TJP2: variants seen among roughly 807,000 people sequenced by gnomAD.
TJP2 encodes the protein tight junction protein 2.
A neutral mutation model predicts 133.1 loss-of-function variants in TJP2; 91 were observed. The observed-to-expected ratio is 0.68, with a 90% CI of 0.58 to 0.81. The LOEUF is 0.81. Ranked by LOEUF, TJP2 falls within the 40% of genes least tolerant of loss-of-function variation. The pLI is 0.00. For missense variants in TJP2, 1,541 were observed against 1,565.6 expected (o/e 0.98, Z 0.26); for synonymous variants, 592 against 583.4 (o/e 1.01, Z -0.21).
chr9:69,169,369 T>TTTTG (rs564265872), upstream of TJP2, among the ~76,000 whole-genome samples: 1 of 120,080 alleles, frequency 8.3e-6, no homozygotes, highest in African/African-American at 3.2e-5. Flanking sequence ...TTTTTTTTTT[T>TTTTG]GGGGGGGGGA....
chr9:69,222,594 C>T (rs1435231547), intron 5 of TJP2, among the ~76,000 whole-genome samples: 1 of 152,202 alleles, frequency 6.6e-6, no homozygotes, highest in Non-Finnish European at 1.5e-5. Context: ...ATTTTATAGA[C>T]AAGGAAACTG....
In TJP2 at chr9:69,226,073, A is replaced by G. The variant is rs142596636; in HGVS notation, c.1108A>G (p.Ile370Val). The G allele has an allele frequency of 1.9e-5, 31 of 1,614,086 alleles. No homozygotes were observed. Among genetic ancestry groups the G allele is most frequent in the Non-Finnish European group, 2.5e-5 (29 of 1,180,036 alleles). ...NMSLTDARKL[I>V]EKSRGKLQLV... ...GTCTTTAACGGATGCTCGAAAATTGATAGAAAAGTCAAGAGGAAAACTACA... is the reference window on the plus strand; with the variant it reads ...GTCTTTAACGGATGCTCGAAAATTGGTAGAAAAGTCAAGAGGAAAACTACA... Residue 370 changes from isoleucine (I) to valine (V), a missense_variant, in exon 7 of 23, where the codon ATA becomes GTA. Transcript: ENST00000377245.
At chr9:69,202,367 GT>G (rs1248668739) in intron 1 of TJP2, among the ~76,000 whole-genome samples, 1 of 152,064 alleles carries the variant, frequency 6.6e-6, no homozygotes, top group Admixed American at 6.5e-5. Context: ...TGGGTCTTAG[GT>G]TCCAGCACAT....
At chr9:69,196,425 C>T (rs1826563568) in intron 1 of TJP2, among the ~76,000 whole-genome samples, 1 of 152,072 alleles carries the variant, frequency 6.6e-6, no homozygotes, top group African/African-American at 2.4e-5. Context: ...TCTACATGCA[C>T]TGTCTGATTA....
intron 12 of TJP2, 87 bp downstream of exon 12, chr9:69,234,634 A>T: frequency 9.9e-7 from 1 of 1,008,266 alleles, no homozygotes; most frequent in Non-Finnish European, 1.5e-6. Context: ...AGAATAGGCA[A>T]ATCTGGGTAT....
chr9:69,216,494 A>AC, intron 3 of TJP2, 31 bp downstream of exon 3: 1 of 1,613,434 alleles, frequency 6.2e-7, no homozygotes, highest in East Asian at 2.2e-5. Flanking sequence ...CGCAGCCCCT[A>AC]CCAGCCCTAC....
intron 2 of TJP2, among the ~76,000 whole-genome samples, chr9:69,163,435 A>G (rs532031577): frequency 6.6e-6 from 1 of 152,264 alleles, no homozygotes; most frequent in South Asian, 2.1e-4. Flanking sequence ...CAGGAATTCA[A>G]GACCAGCCTG....
In TJP2 at chr9:69,180,124, T is replaced by C. The variant is rs547206091; in HGVS notation, c.60+5692T>C. 8.7e-4 allele frequency among the ~76,000 whole-genome samples: 133 copies of C among 152,366 alleles called. 2 individuals carry two copies. Among genetic ancestry groups the C allele is most frequent in the African/African-American group, 3.1e-3 (127 of 41,588 alleles). On this transcript the variant is annotated intron_variant, in intron 1 of 22. Transcript: ENST00000377245. ...TAGATACCCTATATAACTATGGTAC[T>C]AAACACACGAGTTAGTGACAAGTCA...
chr9:69,150,810 A>C (rs1457088190), intron 1 of TJP2, among the ~76,000 whole-genome samples: 1 of 152,230 alleles, frequency 6.6e-6, no homozygotes, highest in Non-Finnish European at 1.5e-5. Context: ...ATGTCCACAT[A>C]AACAATTGTA....
intron 18 of TJP2, among the ~76,000 whole-genome samples, chr9:69,247,313 G>A (rs1413948767): frequency 6.6e-6 from 1 of 152,208 alleles, no homozygotes; most frequent in African/African-American, 2.4e-5. Flanking sequence ...TTCTCCCTCG[G>A]GGAGATAGCT....
At chr9:69,145,183 A>G (rs561940095) in intron 1 of TJP2, among the ~76,000 whole-genome samples, 17 of 152,364 alleles carry the variant, frequency 1.1e-4, no homozygotes, top group African/African-American at 3.8e-4. Flanking sequence ...GTGCTTAGAA[A>G]TGCATTGCTA....
At chr9:69,131,848 G>T (rs1822507889) in intron 1 of TJP2, among the ~76,000 whole-genome samples, 1 of 152,236 alleles carries the variant, frequency 6.6e-6, no homozygotes, top group African/African-American at 2.4e-5. Flanking sequence ...CATCTGTGGA[G>T]AGGGAGTGTC....
At chr9:69,247,973 C>T (rs1831043926) in intron 18 of TJP2, 39 bp from the exon 19 acceptor site, 2 of 1,545,932 alleles carry the variant, frequency 1.3e-6, no homozygotes, top group Non-Finnish European at 1.7e-6. Flanking sequence ...CCAGGAGCCA[C>T]ATCAGACCCC....
chr9:69,169,734 T>C (rs1354458268), upstream of TJP2, among the ~76,000 whole-genome samples: 2 of 152,108 alleles, frequency 1.3e-5, no homozygotes, highest in Non-Finnish European at 2.9e-5. Flanking sequence ...TGCAGATATA[T>C]ACATATATAT....
intron 12 of TJP2, among the ~76,000 whole-genome samples, chr9:69,235,643 G>C (rs112878119): frequency 6.6e-6 from 1 of 152,118 alleles, no homozygotes; most frequent in Non-Finnish European, 1.5e-5. Context: ...TAATTGAGAA[G>C]GGGTCTGATT....
At chr9:69,242,462 G>T (rs748087943) in intron 17 of TJP2, among the ~76,000 whole-genome samples, 1 of 152,218 alleles carries the variant, frequency 6.6e-6, no homozygotes, top group Admixed American at 6.5e-5. Context: ...TCATCAGGAA[G>T]TTGAAAGTTT....
chr9:69,249,660 G>T (rs1831189799), intron 20 of TJP2, 175 bp downstream of exon 20: 1 of 985,270 alleles, frequency 1.0e-6, no homozygotes. Flanking sequence ...CCAAATTAGG[G>T]AAGGGCAAAA....
intron 21 of TJP2, among the ~76,000 whole-genome samples, chr9:69,251,972 C>G (rs1472154408): frequency 6.6e-6 from 1 of 152,010 alleles, no homozygotes; most frequent in African/African-American, 2.4e-5. Flanking sequence ...ATTTCAACCA[C>G]TTTTTTCTTT....
chr9:69,183,031 G>T (rs977070103), intron 1 of TJP2, among the ~76,000 whole-genome samples: 1 of 151,540 alleles, frequency 6.6e-6, no homozygotes, highest in South Asian at 2.1e-4. Context: ...TCCTGATCTC[G>T]GGTGATCCAC....
Sources: allele counts gnomAD v4.1 joint callset (sites outside exome capture counted in the v4.1 genomes callset), GRCh38; gene constraint gnomAD v4.1.1; transcripts MANE v1.5; gene names NCBI Gene and HGNC (gene_info 2026-07-23, HGNC 2026-07-21).